CDH18: variants seen among roughly 807,000 people sequenced by gnomAD.
CDH18 encodes cadherin-18.
A neutral mutation model predicts 67.9 loss-of-function variants in CDH18; 31 were observed. The observed-to-expected ratio is 0.46, with a 90% CI of 0.34 to 0.62. CDH18 has a LOEUF of 0.62. Among genes scored for constraint, CDH18 ranks in the 20% least tolerant of loss-of-function variants. The pLI is 0.01. For synonymous variants in CDH18, 362 were observed against 347.2 expected (o/e 1.04, Z -0.48); for missense variants, 890 against 975.5 (o/e 0.91, Z 1.17).
Position 19,753,914 on chromosome 5 carries a change from A to G in CDH18, c.229-6678T>C, listed in dbSNP as rs183981844. Among the ~76,000 whole-genome samples the G allele has an allele frequency of 1.8e-4, 27 of 152,298 alleles. No individual in the cohort carries two copies. The East Asian group carries it at 4.4e-3, about 25-fold the overall frequency. ...ATGAAAGAAAGATACAGTTTTTTTCAGAAAAACAAATGCTGAGAGAATTTG... is the reference window on the plus strand; with the variant it reads ...ATGAAAGAAAGATACAGTTTTTTTCGGAAAAACAAATGCTGAGAGAATTTG... On this transcript the variant is annotated intron_variant, in intron 3 of 12. Transcript: ENST00000382275.
intron 6 of CDH18, among the ~76,000 whole-genome samples, chr5:19,608,017 T>C (rs1332007430): frequency 6.6e-6 from 1 of 151,450 alleles, no homozygotes; most frequent in East Asian, 1.9e-4. Context: ...TAAGAAAAAT[T>C]AAACAGAGGA....
chr5:20,356,753 C>CTCTCTATA (rs1228584814), intron 1 of CDH18, among the ~76,000 whole-genome samples: 109 of 121,534 alleles, frequency 9.0e-4, no homozygotes, highest in African/African-American at 2.8e-3. Context: ...CTCTCTCTCT[C>CTCTCTATA]TATATATATA....
chr5:20,242,254 CTT>C (rs1409293511), intron 2 of CDH18, among the ~76,000 whole-genome samples: 6 of 151,934 alleles, frequency 3.9e-5, no homozygotes, highest in Non-Finnish European at 8.8e-5. Flanking sequence ...AATAAACAAA[CTT>C]ATCACCTAAC....
chr5:19,735,210 T>C (rs548926559), intron 4 of CDH18, among the ~76,000 whole-genome samples: 4 of 152,138 alleles, frequency 2.6e-5, no homozygotes, highest in Non-Finnish European at 5.9e-5. Flanking sequence ...TTTATGTCAC[T>C]AAGTTCTTTA....
intron 2 of CDH18, among the ~76,000 whole-genome samples, chr5:20,062,451 C>T (rs1015939559): frequency 6.6e-6 from 1 of 151,984 alleles, no homozygotes; most frequent in Admixed American, 6.6e-5. Flanking sequence ...TAATTGCTAC[C>T]CAAAACAAAT....
chr5:20,185,904 A>G (rs1213820977), intron 2 of CDH18, among the ~76,000 whole-genome samples: 1 of 151,742 alleles, frequency 6.6e-6, no homozygotes. Context: ...CTGGAAGAGT[A>G]CCATATACCA....
At chr5:19,597,870 TG>T (rs1306972195) in intron 6 of CDH18, among the ~76,000 whole-genome samples, 1 of 152,194 alleles carries the variant, frequency 6.6e-6, no homozygotes, top group Non-Finnish European at 1.5e-5. Context: ...TTAGATTTTA[TG>T]TTTATATTCA....
chr5:20,417,981 T>G (rs1747465206), intron 1 of CDH18, among the ~76,000 whole-genome samples: 1 of 152,170 alleles, frequency 6.6e-6, no homozygotes, highest in Admixed American at 6.5e-5. Context: ...ATGAGGAGGA[T>G]TATAGTTTTA....
intron 1 of CDH18, among the ~76,000 whole-genome samples, chr5:20,356,957 A>G (rs1741680370): frequency 6.6e-6 from 1 of 151,090 alleles, no homozygotes; most frequent in Non-Finnish European, 1.5e-5. Context: ...ATATGTAGTA[A>G]TAACTGTAAG....
chr5:20,455,944 T>C (rs1486592817), intron 1 of CDH18, among the ~76,000 whole-genome samples: 1 of 152,118 alleles, frequency 6.6e-6, no homozygotes, highest in East Asian at 1.9e-4. Context: ...AATTTACTCA[T>C]TGGTAATCAT....
At chr5:19,980,582 C>T (rs918923778) in intron 2 of CDH18, among the ~76,000 whole-genome samples, 2 of 152,164 alleles carry the variant, frequency 1.3e-5, no homozygotes, top group South Asian at 2.1e-4. Context: ...GAGCTTCCTC[C>T]TCTCACTACA....
rs554094498 is a variant in CDH18 at position 19,915,515 on chromosome 5, A to C, written c.-257+65545T>G. Among the ~76,000 whole-genome samples the C allele has an allele frequency of 3.6e-3, 544 of 152,270 alleles. 2 individuals carry two copies. Among genetic ancestry groups the C allele is most frequent in the Middle Eastern group, 0.02 (6 of 294 alleles). On this transcript the variant is annotated intron_variant, in intron 2 of 12. Coordinates refer to ENST00000382275, the MANE Select transcript of CDH18 (RefSeq NM_004934.5). ...TTTCGAACAGCCTACTGTTGACTGG[A>C]AGCCTTCCTGATAATTTAACCAGTA...
At chr5:19,793,898 G>A (rs567183985) in intron 3 of CDH18, among the ~76,000 whole-genome samples, 7 of 152,052 alleles carry the variant, frequency 4.6e-5, no homozygotes, top group East Asian at 3.9e-4. Flanking sequence ...GTACATGTGC[G>A]AAGGAATCAC....
At chr5:19,786,556 T>C (rs1431870862) in intron 3 of CDH18, among the ~76,000 whole-genome samples, 1 of 152,280 alleles carries the variant, frequency 6.6e-6, no homozygotes, top group Admixed American at 6.5e-5. Flanking sequence ...TCCTTGAATA[T>C]ACAGAGTACT....
intron 8 of CDH18, among the ~76,000 whole-genome samples, chr5:19,546,817 C>T (rs1161727830): frequency 6.6e-6 from 1 of 152,042 alleles, no homozygotes; most frequent in African/African-American, 2.4e-5. Flanking sequence ...TCTAACTTAT[C>T]AGTAAAAAAC....
rs55885279 is a variant in CDH18 at position 20,508,323 on chromosome 5, TTATATATATATATATATATATA to T, written c.-580+67117_-580+67138del. ...ACCTTACATAGTTTTATGACTATGA[TTATATATATATATATATATATA>T]TATATATATATATATATATATGTAT... On this transcript the variant is annotated intron_variant, in intron 1 of 14. Transcript: ENST00000507958. Among the ~76,000 whole-genome samples, 450 of 111,172 alleles carry T rather than the reference TTATATATATATATATATATATA, an allele frequency of 4.0e-3. 3 individuals are homozygous for T. Among genetic ancestry groups the T allele is most frequent in the Admixed American group, 6.5e-3 (64 of 9,922 alleles). The allele number at this position is 111,172 out of a possible 152,430, so 72.9% of individuals were successfully genotyped here. A position where few individuals can be genotyped will look rare whatever the true frequency, so the allele number is the denominator to read the frequency against.
intron 2 of CDH18, among the ~76,000 whole-genome samples, chr5:20,144,044 A>T (rs1750446601): frequency 6.6e-6 from 1 of 152,186 alleles, no homozygotes; most frequent in African/African-American, 2.4e-5. Context: ...GAAACAGCAG[A>T]AACGCTGCCT....
intron 2 of CDH18, among the ~76,000 whole-genome samples, chr5:20,121,677 T>C (rs753965900): frequency 6.6e-5 from 10 of 152,186 alleles, no homozygotes; most frequent in Non-Finnish European, 1.3e-4. Flanking sequence ...ATGAGGCTAA[T>C]ATTTCACTCC....
At chr5:20,401,659 C>T (rs904529872) in intron 1 of CDH18, among the ~76,000 whole-genome samples, 6 of 152,046 alleles carry the variant, frequency 3.9e-5, no homozygotes, top group Non-Finnish European at 7.4e-5. Context: ...GTTTTCTTTT[C>T]GTCTTTCCCC....
Sources: gnomAD v4.1 joint callset for allele counts (sites outside exome capture counted in the v4.1 genomes callset) on GRCh38, gnomAD v4.1.1 for gene constraint, MANE v1.5 for transcripts, NCBI Gene and HGNC (gene_info 2026-07-23, HGNC 2026-07-21) for gene names.